The following SOX5 variants were observed in gnomAD, a reference collection of about 807,000 sequenced individuals.
SOX5 encodes the protein transcription factor SOX-5.
Under a neutral mutation model 92.0 loss-of-function variants are expected in SOX5, and 9 were observed. The ratio of observed to expected loss-of-function variants is 0.10; its 90% CI spans 0.06 to 0.17. SOX5 has a LOEUF of 0.17. Among genes scored for constraint, SOX5 ranks in the 10% least tolerant of loss-of-function variants. The probability of loss-of-function intolerance (pLI) is 1.00; values close to 1 mark genes in which losing one functional copy is unlikely to be tolerated. For missense variants in SOX5, 642 were observed against 944.5 expected (o/e 0.68, Z 4.20); for synonymous variants, 344 against 336.3 (o/e 1.02, Z -0.25).
At chr12:24,330,454 G>T (rs1290830260) in intron 2 of SOX5, among the ~76,000 whole-genome samples, 1 of 152,186 alleles carries the variant, frequency 6.6e-6, no homozygotes, top group Non-Finnish European at 1.5e-5. Context: ...AGGAAAATCT[G>T]ATTATGCTGC....
intron 3 of SOX5, among the ~76,000 whole-genome samples, chr12:24,217,063 G>A (rs903909659): frequency 6.6e-6 from 1 of 152,192 alleles, no homozygotes; most frequent in Non-Finnish European, 1.5e-5. Context: ...GACATATCCT[G>A]TGTACCCCTT....
chr12:24,431,868 C>T (rs968863957), intron 1 of SOX5, among the ~76,000 whole-genome samples: 3 of 152,094 alleles, frequency 2.0e-5, no homozygotes, highest in African/African-American at 7.2e-5. Context: ...ATAATGGCAC[C>T]TCTTGAAAAT....
intron 2 of SOX5, among the ~76,000 whole-genome samples, chr12:24,366,325 C>T (rs1195894301): frequency 6.6e-6 from 1 of 152,132 alleles, no homozygotes; most frequent in Non-Finnish European, 1.5e-5. Context: ...ATTCTGCTCT[C>T]TGCTCCAAGA....
At chr12:24,006,682 C>T (rs1952205915) in intron 4 of SOX5, among the ~76,000 whole-genome samples, 1 of 151,990 alleles carries the variant, frequency 6.6e-6, no homozygotes, top group African/African-American at 2.4e-5. Flanking sequence ...TGTCCATATT[C>T]TCCGATATTA....
intron 4 of SOX5, among the ~76,000 whole-genome samples, chr12:24,040,964 T>G (rs1329658014): frequency 6.6e-6 from 1 of 152,184 alleles, no homozygotes; most frequent in Non-Finnish European, 1.5e-5. Context: ...GTAGAATGCT[T>G]AGAATACTTC....
intron 3 of SOX5, among the ~76,000 whole-genome samples, chr12:24,247,595 G>A (rs552255339): frequency 3.3e-4 from 49 of 150,122 alleles, no homozygotes; most frequent in African/African-American, 1.2e-3. Flanking sequence ...TTGTGGGCAC[G>A]TTACATCTTT....
intron 3 of SOX5, among the ~76,000 whole-genome samples, chr12:24,241,356 A>G (rs561758903): frequency 1.7e-3 from 253 of 152,244 alleles, no homozygotes; most frequent in African/African-American, 5.8e-3. Context: ...CTTTGTTTCT[A>G]TTCTGTGATC....
At chr12:24,418,148 C>T (rs1263108681) in intron 1 of SOX5, among the ~76,000 whole-genome samples, 1 of 151,394 alleles carries the variant, frequency 6.6e-6, no homozygotes, top group Non-Finnish European at 1.5e-5. Context: ...TCACGTGCTA[C>T]AGCCAAACAA....
At chr12:23,911,913 C>A (rs1271585365) in intron 1 of SOX5, among the ~76,000 whole-genome samples, 1 of 152,026 alleles carries the variant, frequency 6.6e-6, no homozygotes, top group Non-Finnish European at 1.5e-5. Context: ...CATTCGACAC[C>A]AAACACACAA....
intron 1 of SOX5, among the ~76,000 whole-genome samples, chr12:24,397,338 T>C (rs930345039): frequency 1.3e-5 from 2 of 152,194 alleles, no homozygotes; most frequent in Non-Finnish European, 2.9e-5. Context: ...CATCAGAAAA[T>C]GCTTTACAGC....
chr12:23,530,516 G>A lies in SOX5; in HGVS notation c.*3703C>T. 1 of 152,020 alleles carries A rather than the reference G, an allele frequency of 6.6e-6. No individual in the cohort carries two copies. The highest frequency in any genetic ancestry group is 1.9e-4 in the East Asian group (1 of 5,178). The allele number at this position is 152,020 out of a possible 1,614,324, so 9.4% of individuals were successfully genotyped here. A position where few individuals can be genotyped will look rare whatever the true frequency, so the allele number is the denominator to read the frequency against. ...CTAACGATGATTATGTTCTTTGGGA[G>A]GGATTTTATACATGGTTAACTCTTA... is the stretch of plus-strand genomic sequence containing the variant. On this transcript the variant is annotated 3_prime_UTR_variant, in exon 15 of 15. Coordinates refer to ENST00000451604, the MANE Select transcript of SOX5 (RefSeq NM_006940.6).
chr12:24,069,162 G>A (rs12321509), intron 4 of SOX5, among the ~76,000 whole-genome samples: 35,845 of 151,922 alleles, frequency 0.24, 4,611 homozygotes, highest in Non-Finnish European at 0.29. Flanking sequence ...CTGTAGAAAT[G>A]TTTTTTAGCA....
chr12:24,347,247 T>C (rs1042232446), intron 2 of SOX5, among the ~76,000 whole-genome samples: 1 of 152,180 alleles, frequency 6.6e-6, no homozygotes, highest in African/African-American at 2.4e-5. Context: ...TGCTAGTATA[T>C]GTTAATCTAG....
intron 3 of SOX5, among the ~76,000 whole-genome samples, chr12:24,231,105 T>C (rs181920353): frequency 1.8e-4 from 27 of 152,324 alleles, no homozygotes; most frequent in Admixed American, 1.6e-3. Context: ...GAAAGCCAGC[T>C]CTGACCTTTG....
intron 1 of SOX5, among the ~76,000 whole-genome samples, chr12:24,465,034 G>A (rs1046178215): frequency 2.0e-5 from 3 of 152,200 alleles, no homozygotes; most frequent in African/African-American, 7.2e-5. Context: ...TGATGACAGA[G>A]ATGATGACAA....
intron 2 of SOX5, among the ~76,000 whole-genome samples, chr12:24,328,268 A>G (rs1950936662): frequency 6.6e-6 from 1 of 152,186 alleles, no homozygotes; most frequent in Non-Finnish European, 1.5e-5. Flanking sequence ...AACCTTAACA[A>G]TATGTCCACC....
intron 6 of SOX5, among the ~76,000 whole-genome samples, chr12:23,705,503 A>G (rs955668661): frequency 4.6e-5 from 7 of 152,020 alleles, no homozygotes; most frequent in African/African-American, 7.2e-5. Flanking sequence ...ACACACACAC[A>G]TACACAGTAA....
chr12:24,344,135 T>C (rs1380089551), intron 2 of SOX5, among the ~76,000 whole-genome samples: 1 of 151,576 alleles, frequency 6.6e-6, no homozygotes, highest in Non-Finnish European at 1.5e-5. Context: ...ATACAAAAAT[T>C]AGTTGGGCGT....
At chr12:24,058,726 T>C (rs1569527903) in intron 4 of SOX5, among the ~76,000 whole-genome samples, 1 of 152,190 alleles carries the variant, frequency 6.6e-6, no homozygotes, top group African/African-American at 2.4e-5. Flanking sequence ...GTAGTCTTTT[T>C]ACTCTAGGTA....
Sources: gnomAD v4.1 joint callset for allele counts (sites outside exome capture counted in the v4.1 genomes callset) on GRCh38, gnomAD v4.1.1 for gene constraint, MANE v1.5 for transcripts, NCBI Gene and HGNC (gene_info 2026-07-23, HGNC 2026-07-21) for gene names.